Variants in CAMTA1 observed in about 807,000 individuals in gnomAD.
CAMTA1 encodes calmodulin-binding transcription activator 1.
Under a neutral mutation model 170.9 loss-of-function variants are expected in CAMTA1, and 27 were observed. The ratio of observed to expected loss-of-function variants is 0.16; its 90% CI spans 0.12 to 0.22. The LOEUF is 0.22. CAMTA1 is among the 10% of genes least tolerant of loss of function. The pLI, the probability that CAMTA1 is intolerant of heterozygous loss-of-function variation, is 1.00. For synonymous variants in CAMTA1, 833 were observed against 891.5 expected (o/e 0.93, Z 1.17); for missense variants, 1,619 against 2,217.2 (o/e 0.73, Z 5.42).
intron 6 of CAMTA1, among the ~76,000 whole-genome samples, chr1:7,510,016 A>C (rs1193175): frequency 0.69 from 84,371 of 122,162 alleles, 30,666 homozygotes; most frequent in Non-Finnish European, 0.8. Flanking sequence ...CAAACAACAA[A>C]AAAAAAAAAC....
chr1:7,490,851 A>G (rs769573183), intron 6 of CAMTA1, among the ~76,000 whole-genome samples: 1 of 152,200 alleles, frequency 6.6e-6, no homozygotes, highest in Non-Finnish European at 1.5e-5. Context: ...TCTCTCAGGC[A>G]GGATGCTCTT....
rs1436283247 is a variant in CAMTA1 at position 7,634,079 on chromosome 1, A to C, written c.511-6321A>C. On this transcript the variant is annotated intron_variant, in intron 6 of 22. Coordinates refer to ENST00000303635, the MANE Select transcript of CAMTA1 (RefSeq NM_015215.4). The surrounding 1 kb of genome is among the most constrained non-coding windows in gnomAD (Gnocchi z 6.2). ...GTGGCAGGAGTGTGGGCCTGATCTC[A>C]GTGCCAAGGAGCCGTCCGGAACAGC... Among the ~76,000 whole-genome samples the C allele has an allele frequency of 6.6e-6, 1 of 152,136 alleles. No homozygotes were observed. The highest frequency in any genetic ancestry group is 1.5e-5 in the Non-Finnish European group (1 of 68,016).
chr1:7,493,870 G>A (rs1435051564), intron 6 of CAMTA1, among the ~76,000 whole-genome samples: 1 of 152,136 alleles, frequency 6.6e-6, no homozygotes, highest in Non-Finnish European at 1.5e-5. Context: ...TGTCGGGGGC[G>A]GGATGCTGCT....
At chr1:7,507,864 G>A (rs767018380) in intron 6 of CAMTA1, among the ~76,000 whole-genome samples, 1 of 152,216 alleles carries the variant, frequency 6.6e-6, no homozygotes, top group Non-Finnish European at 1.5e-5. Context: ...GGTCTTCCCA[G>A]CTGGGCACTC....
chr1:6,840,345 C>T (rs929000543), intron 3 of CAMTA1, among the ~76,000 whole-genome samples: 1 of 152,068 alleles, frequency 6.6e-6, no homozygotes, highest in Non-Finnish European at 1.5e-5. Flanking sequence ...GCAGAGAGAC[C>T]AGTTAAGAGT....
In CAMTA1 at chr1:7,661,871, G is replaced by C. The variant is rs2095960854; in HGVS notation, c.805+5G>C. ...GCCTCTGCACCGGCAGCCTGGGTGA[G>C]CCGGGGCTCCCGGGGCAGGCGGGCG... On this transcript the variant is annotated splice_donor_5th_base_variant and intron_variant, in intron 8 of 22. Transcript: ENST00000303635. The C allele has an allele frequency of 6.2e-7, 1 of 1,605,480 alleles. No individual in the cohort carries two copies.
intron 5 of CAMTA1, among the ~76,000 whole-genome samples, chr1:7,269,069 A>G (rs1669323872): frequency 6.6e-6 from 1 of 152,220 alleles, no homozygotes; most frequent in East Asian, 1.9e-4. Flanking sequence ...TTAAAACAAC[A>G]CACATTTATG....
intron 1 of CAMTA1, among the ~76,000 whole-genome samples, chr1:6,787,503 C>G (rs12047247): frequency 0.08 from 12,137 of 152,266 alleles, 729 homozygotes; most frequent in East Asian, 0.26. Flanking sequence ...CAGATGAAAT[C>G]ACATTCATTA....
intron 5 of CAMTA1, among the ~76,000 whole-genome samples, chr1:7,368,541 A>G (rs1327488222): frequency 1.3e-5 from 2 of 152,154 alleles, no homozygotes; most frequent in African/African-American, 4.8e-5. Flanking sequence ...GAGTGAGCTC[A>G]CAGTCAGTGA....
At chr1:7,765,968 AGT>A (rs1301806627) in intron 22 of CAMTA1, among the ~76,000 whole-genome samples, 1 of 149,688 alleles carries the variant, frequency 6.7e-6, no homozygotes, top group African/African-American at 2.5e-5. Flanking sequence ...CGGAGGTTGC[AGT>A]GAGCCGAGAT....
At chr1:7,505,592 G>A (rs952591590) in intron 6 of CAMTA1, among the ~76,000 whole-genome samples, 1 of 152,190 alleles carries the variant, frequency 6.6e-6, no homozygotes, top group Admixed American at 6.5e-5. Flanking sequence ...GGGACCTGGC[G>A]GTGCCCCAGG....
At chr1:7,045,280 G>C (rs938249086) in intron 3 of CAMTA1, among the ~76,000 whole-genome samples, 1 of 152,154 alleles carries the variant, frequency 6.6e-6, no homozygotes, top group African/African-American at 2.4e-5. Context: ...ACTGTGACTT[G>C]GCCTCCAGGG....
chr1:7,725,086 G>A (rs2096675089), intron 11 of CAMTA1, among the ~76,000 whole-genome samples: 1 of 152,160 alleles, frequency 6.6e-6, no homozygotes, highest in Admixed American at 6.5e-5. Context: ...ATGAAGAGAA[G>A]CTTTGAATGA....
chr1:7,518,497 G>A (rs1034826480), intron 6 of CAMTA1, among the ~76,000 whole-genome samples: 1 of 151,966 alleles, frequency 6.6e-6, no homozygotes, highest in Non-Finnish European at 1.5e-5. Context: ...CCCCCACGGG[G>A]CAGTTGCCTG....
intron 3 of CAMTA1, among the ~76,000 whole-genome samples, chr1:6,939,927 G>C (rs1020306323): frequency 6.6e-6 from 1 of 152,276 alleles, no homozygotes; most frequent in African/African-American, 2.4e-5. Context: ...GGCATGAGCA[G>C]ATGCTCGCTG....
chr1:7,423,915 C>T (rs1157565237), intron 5 of CAMTA1, among the ~76,000 whole-genome samples: 1 of 152,194 alleles, frequency 6.6e-6, no homozygotes, highest in African/African-American at 2.4e-5. Context: ...GCTGCTTACA[C>T]CTTTATCAAC....
chr1:7,137,959 T>C (rs1228274221), intron 4 of CAMTA1, among the ~76,000 whole-genome samples: 1 of 152,192 alleles, frequency 6.6e-6, no homozygotes, highest in Non-Finnish European at 1.5e-5. Flanking sequence ...GCCCAGTTTG[T>C]CATAGGGACT....
rs1023004273 is a variant in CAMTA1 at position 7,570,474 on chromosome 1, C to T, written c.511-69926C>T. On this transcript the variant is annotated intron_variant, in intron 6 of 22. Transcript: ENST00000303635. This position sits in a 1 kb window ranked among gnomAD's most constrained non-coding sequence, Gnocchi z 4.3. ...TGTGCCAAGGGCTGGCCCAGGATGT[C>T]GGCAGTCACCAGCAGGAGTTTGGCT... 1.1e-4 allele frequency among the ~76,000 whole-genome samples: 16 copies of T among 152,232 alleles called. No homozygotes were observed. The highest frequency in any genetic ancestry group is 2.4e-4 in the Non-Finnish European group (16 of 68,042).
chr1:7,278,420 C>T (rs1671044233), intron 5 of CAMTA1, among the ~76,000 whole-genome samples: 1 of 152,238 alleles, frequency 6.6e-6, no homozygotes, highest in South Asian at 2.1e-4. Context: ...AGTTTTCCAA[C>T]TTGCCATTCT....
Sources: allele counts gnomAD v4.1 joint callset (sites outside exome capture counted in the v4.1 genomes callset), GRCh38; gene constraint gnomAD v4.1.1; non-coding constraint Gnocchi (gnomAD v3.1); transcripts MANE v1.5; gene names NCBI Gene and HGNC (gene_info 2026-07-23, HGNC 2026-07-21).